Variants in B3GNT2 observed in about 807,000 individuals in gnomAD.
The protein encoded by B3GNT2 is N-acetyllactosaminide beta-1,3-N-acetylglucosaminyltransferase 2.
Under a neutral mutation model 27.6 loss-of-function variants are expected in B3GNT2, and 12 were observed. The observed-to-expected ratio is 0.44, with a 90% CI of 0.28 to 0.71. B3GNT2 has a LOEUF of 0.71. Among genes scored for constraint, B3GNT2 ranks in the 30% least tolerant of loss-of-function variants. The pLI is 0.17. For synonymous variants in B3GNT2, 192 were observed against 189.7 expected (o/e 1.01, Z -0.10); for missense variants, 413 against 488.5 (o/e 0.85, Z 1.46).
intron 1 of B3GNT2, among the ~76,000 whole-genome samples, chr2:62,213,469 A>C (rs915824212): frequency 6.6e-6 from 1 of 152,128 alleles, no homozygotes; most frequent in Non-Finnish European, 1.5e-5. Context: ...ATTTTGGGAT[A>C]AGGGTGCAGG....
intron 1 of B3GNT2, among the ~76,000 whole-genome samples, chr2:62,208,421 C>A (rs1472965046): frequency 1.3e-5 from 2 of 152,230 alleles, no homozygotes; most frequent in African/African-American, 4.8e-5. Flanking sequence ...CCTCCCCCAT[C>A]CCTGAGGCCT....
Position 62,222,662 on chromosome 2 carries a change from A to G in B3GNT2, c.442A>G (p.Ile148Val). Residue 148 changes from isoleucine (I) to valine (V), a missense_variant, in exon 2 of 2, where the codon ATT (isoleucine) becomes GTT (valine). Physicochemically the swap from Ile to Val is conservative, Grantham distance 29. Transcript: ENST00000301998. The surrounding 1 kb of genome is among the most constrained non-coding windows in gnomAD (Gnocchi z 4.2). ...CAKKPFLLLA[I>V]KSLTPHFARR... is the part of the protein sequence containing the mutation. ...AAAGAAACCTTTCTTGTTGCTGGCG[A>G]TTAAGTCCCTCACTCCACATTTTGC... 2 of 1,614,236 alleles carry G rather than the reference A, an allele frequency of 1.2e-6. No homozygotes were observed. Among genetic ancestry groups the G allele is most frequent in the South Asian group, 2.2e-5 (2 of 91,090 alleles).
intron 1 of B3GNT2, among the ~76,000 whole-genome samples, chr2:62,196,566 C>T (rs928825472): frequency 6.6e-6 from 1 of 152,252 alleles, no homozygotes; most frequent in Non-Finnish European, 1.5e-5. Context: ...CGCATTTAAG[C>T]CTCCCTTACC....
intron 1 of B3GNT2, among the ~76,000 whole-genome samples, chr2:62,198,156 G>C (rs1385931925): frequency 1.3e-5 from 2 of 152,082 alleles, no homozygotes; most frequent in Non-Finnish European, 2.9e-5. Context: ...TTTAGTTTTT[G>C]TGCAGGCGGC....
At chr2:62,220,101 C>T (rs1408408001) in intron 1 of B3GNT2, among the ~76,000 whole-genome samples, 2 of 152,248 alleles carry the variant, frequency 1.3e-5, no homozygotes, top group African/African-American at 4.8e-5. Flanking sequence ...ATTCAGGCCC[C>T]TCTCAATCCT....
rs150084242 is a variant in B3GNT2, at chr2:62,220,329, T to C, written c.-9-1883T>C. Among the ~76,000 whole-genome samples, 944 of 152,336 alleles carry C rather than the reference T, an allele frequency of 6.2e-3. 12 individuals are homozygous for C. Among genetic ancestry groups the C allele is most frequent in the African/African-American group, 0.022 (899 of 41,574 alleles). On this transcript the variant is annotated intron_variant, in intron 1 of 1. Coordinates refer to ENST00000301998, the MANE Select transcript of B3GNT2 (RefSeq NM_006577.6). ...TAGATTTCTTACTGTCCATAATCTT[T>C]GCAAAGGTGGTTTCAGCAGTAGTAA...
intron 1 of B3GNT2, among the ~76,000 whole-genome samples, chr2:62,204,532 G>A (rs1356719982): frequency 6.6e-6 from 1 of 152,160 alleles, no homozygotes; most frequent in Non-Finnish European, 1.5e-5. Flanking sequence ...TGTTACAAAT[G>A]CTATCCTTTC....
intron 1 of B3GNT2, among the ~76,000 whole-genome samples, chr2:62,203,053 T>A (rs919439086): frequency 6.6e-6 from 1 of 152,218 alleles, no homozygotes; most frequent in Non-Finnish European, 1.5e-5. Context: ...TTCATCTAAG[T>A]GTTTATCAAC....
chr2:62,223,472 T>C lies in B3GNT2; in HGVS notation c.*58T>C, dbSNP rs1674763363. On this transcript the variant is annotated 3_prime_UTR_variant, in exon 2 of 2. Coordinates refer to ENST00000301998, the MANE Select transcript of B3GNT2 (RefSeq NM_006577.6). Reference sequence around the variant, plus strand: ...TGTATTTTGAATAGTTCCCATGTTGTGTTCTCACATTAGAGTAATTTCTAT... The same window carrying C: ...TGTATTTTGAATAGTTCCCATGTTGCGTTCTCACATTAGAGTAATTTCTAT... 2.2e-6 allele frequency: 3 copies of C among 1,388,226 alleles called. No homozygotes were observed. The African/African-American group carries it at 4.4e-5, about 20-fold the overall frequency. The allele number at this position is 1,388,226 out of a possible 1,614,324, so 86.0% of individuals were successfully genotyped here. A position where few individuals can be genotyped will look rare whatever the true frequency, so the allele number is the denominator to read the frequency against.
At chr2:62,217,238 G>A (rs1033677080) in intron 1 of B3GNT2, among the ~76,000 whole-genome samples, 1 of 152,156 alleles carries the variant, frequency 6.6e-6, no homozygotes, top group African/African-American at 2.4e-5. Context: ...ATAACCATAC[G>A]CAGCAGCGTT....
At chr2:62,203,027 G>A (rs1674300015) in intron 1 of B3GNT2, among the ~76,000 whole-genome samples, 1 of 152,124 alleles carries the variant, frequency 6.6e-6, no homozygotes, top group Non-Finnish European at 1.5e-5. Context: ...CTTATCCCCT[G>A]TGCAGTGCTT....
chr2:62,213,306 A>T (rs1674513875), intron 1 of B3GNT2, among the ~76,000 whole-genome samples: 2 of 152,170 alleles, frequency 1.3e-5, no homozygotes, highest in African/African-American at 4.8e-5. Flanking sequence ...AAAAACAAAA[A>T]ATGATTGTCC....
chr2:62,198,650 A>G (rs1434032794), intron 1 of B3GNT2, among the ~76,000 whole-genome samples: 1 of 152,218 alleles, frequency 6.6e-6, no homozygotes, highest in Admixed American at 6.5e-5. Flanking sequence ...TGAAGGGCTG[A>G]ATATATGAAG....
intron 1 of B3GNT2, among the ~76,000 whole-genome samples, chr2:62,204,280 C>T (rs11675102): frequency 0.15 from 21,303 of 139,850 alleles, 1,565 homozygotes; most frequent in East Asian, 0.28. Flanking sequence ...CCTGCCTTGG[C>T]CTCCCAAAGT....
At chr2:62,217,294 A>G (rs961850615) in intron 1 of B3GNT2, among the ~76,000 whole-genome samples, 4 of 152,202 alleles carry the variant, frequency 2.6e-5, no homozygotes, top group African/African-American at 7.2e-5. Flanking sequence ...CTCTGGAGCT[A>G]TCATTGCCTG....
Position 62,223,477 on chromosome 2 carries a change from T to G in B3GNT2, c.*63T>G, listed in dbSNP as rs541814813. On this transcript the variant is annotated 3_prime_UTR_variant, in exon 2 of 2. Transcript: ENST00000301998. ...TTTGAATAGTTCCCATGTTGTGTTC[T>G]CACATTAGAGTAATTTCTATATTAA... 106 of 1,368,642 alleles carry G rather than the reference T, an allele frequency of 7.7e-5. No homozygotes were observed. In the African/African-American group the frequency reaches 1.4e-3, roughly 18 times the overall value. 84.8% of individuals were successfully genotyped at this position (1,368,642 alleles called of 1,614,324 possible). A position where few individuals can be genotyped will look rare whatever the true frequency, so the allele number is the denominator to read the frequency against.
At chr2:62,210,777 T>A (rs55918719) in intron 1 of B3GNT2, among the ~76,000 whole-genome samples, 65,381 of 151,044 alleles carry the variant, frequency 0.43, 16,577 homozygotes, top group African/African-American at 0.71. Context: ...TCAAAAAAAA[T>A]AATAATAATA....
At chr2:62,210,021 C>G (rs540872724) in intron 1 of B3GNT2, among the ~76,000 whole-genome samples, 22 of 152,314 alleles carry the variant, frequency 1.4e-4, no homozygotes, top group African/African-American at 5.3e-4. Context: ...TGATTCCCGA[C>G]TGGCCATTTT....
chr2:62,213,475 G>T (rs1674515676), intron 1 of B3GNT2, among the ~76,000 whole-genome samples: 1 of 152,134 alleles, frequency 6.6e-6, no homozygotes, highest in Non-Finnish European at 1.5e-5. Flanking sequence ...GGATAAGGGT[G>T]CAGGAGGGAT....
Sources: allele counts gnomAD v4.1 joint callset (sites outside exome capture counted in the v4.1 genomes callset), GRCh38; gene constraint gnomAD v4.1.1; non-coding constraint Gnocchi (gnomAD v3.1); transcripts MANE v1.5; gene names NCBI Gene and HGNC (gene_info 2026-07-23, HGNC 2026-07-21).